The following PCDH15 variants were observed in gnomAD, a reference collection of about 807,000 sequenced individuals.
PCDH15 encodes protocadherin-15.
A neutral mutation model predicts 178.5 loss-of-function variants in PCDH15; 129 were observed. The observed-to-expected ratio is 0.72, with a 90% confidence interval of 0.63 to 0.84. PCDH15 has a LOEUF of 0.84. Among genes scored for constraint, PCDH15 ranks in the 40% least tolerant of loss-of-function variants. The pLI is 0.00. For synonymous variants in PCDH15, 800 were observed against 732.0 expected (o/e 1.09, Z -1.50); for missense variants, 2,230 against 2,099.9 (o/e 1.06, Z -1.21).
At chr10:53,953,023 C>T (rs1393861201) in intron 23 of PCDH15, among the ~76,000 whole-genome samples, 3 of 152,226 alleles carry the variant, frequency 2.0e-5, no homozygotes, top group Admixed American at 2.0e-4. Context: ...ATTGCACCTG[C>T]ACCTGAGAGC....
intron 2 of PCDH15, among the ~76,000 whole-genome samples, chr10:54,985,136 A>T (rs771464040): frequency 3.9e-4 from 60 of 152,156 alleles, no homozygotes; most frequent in Non-Finnish European, 7.2e-4. Context: ...CAAAATGGGC[A>T]ATTTTATATT....
chr10:53,917,600 A>G (rs1482443727), intron 25 of PCDH15, among the ~76,000 whole-genome samples: 1 of 152,212 alleles, frequency 6.6e-6, no homozygotes, highest in East Asian at 1.9e-4. Context: ...GCACCTAAAC[A>G]CAGACACACA....
intron 3 of PCDH15, among the ~76,000 whole-genome samples, chr10:54,485,413 T>C (rs1206496180): frequency 6.6e-6 from 1 of 151,952 alleles, no homozygotes; most frequent in Non-Finnish European, 1.5e-5. Flanking sequence ...CAAAGTTGGA[T>C]ACTAAGAAAA....
chr10:53,857,937 C>T (rs1156864809), intron 27 of PCDH15, among the ~76,000 whole-genome samples: 1 of 151,710 alleles, frequency 6.6e-6, no homozygotes, highest in Non-Finnish European at 1.5e-5. Flanking sequence ...TCATCTTTTC[C>T]TCAATATTCT....
chr10:54,184,556 G>A (rs2133811385), intron 12 of PCDH15, among the ~76,000 whole-genome samples: 1 of 151,784 alleles, frequency 6.6e-6, no homozygotes, highest in East Asian at 1.9e-4. Context: ...CCTAACCCAT[G>A]ATTTATCTAC....
At chr10:54,325,934 A>T (rs1230985099) in intron 7 of PCDH15, among the ~76,000 whole-genome samples, 2 of 152,110 alleles carry the variant, frequency 1.3e-5, no homozygotes, top group Non-Finnish European at 2.9e-5. Context: ...AAGCAAACAA[A>T]CAAACAAGAT....
At chr10:54,759,376 T>C (rs770646800) in intron 1 of PCDH15, among the ~76,000 whole-genome samples, 7 of 152,146 alleles carry the variant, frequency 4.6e-5, no homozygotes, top group Non-Finnish European at 8.8e-5. Flanking sequence ...ATGAACAATT[T>C]AATAGATTTA....
chr10:54,351,433 T>A (rs1365947415), intron 5 of PCDH15, among the ~76,000 whole-genome samples: 1 of 152,096 alleles, frequency 6.6e-6, no homozygotes, highest in Non-Finnish European at 1.5e-5. Context: ...GACCATAATT[T>A]TTTTCTTTTT....
At chr10:55,620,963 T>C (rs1346783894) in intron 2 of PCDH15, among the ~76,000 whole-genome samples, 1 of 151,782 alleles carries the variant, frequency 6.6e-6, no homozygotes, top group Non-Finnish European at 1.5e-5. Context: ...GAACATAACA[T>C]GTCATGCAAA....
At chr10:55,580,852 C>T (rs1218891258) in intron 2 of PCDH15, among the ~76,000 whole-genome samples, 2 of 152,184 alleles carry the variant, frequency 1.3e-5, no homozygotes, top group Non-Finnish European at 2.9e-5. Context: ...GTACTGGAAG[C>T]TGGTGGCTGA....
chr10:53,974,999 G>A (rs918310670), intron 21 of PCDH15, among the ~76,000 whole-genome samples: 1 of 152,082 alleles, frequency 6.6e-6, no homozygotes, highest in Non-Finnish European at 1.5e-5. Flanking sequence ...TGTACCCAAT[G>A]TTTAGCTCCC....
intron 1 of PCDH15, among the ~76,000 whole-genome samples, chr10:55,208,102 G>C (rs920114435): frequency 6.6e-5 from 10 of 151,954 alleles, no homozygotes; most frequent in African/African-American, 2.4e-4. Flanking sequence ...TTACTTTCTT[G>C]GCAGAGATGT....
At chr10:54,271,715 TACTC>T (rs2058058943) in intron 8 of PCDH15, among the ~76,000 whole-genome samples, 1 of 152,110 alleles carries the variant, frequency 6.6e-6, no homozygotes, top group African/African-American at 2.4e-5. Context: ...ATAATTCTTA[TACTC>T]ACTATTTGCC....
chr10:53,849,225 T>C (rs567337483), intron 28 of PCDH15, among the ~76,000 whole-genome samples: 3 of 152,146 alleles, frequency 2.0e-5, no homozygotes, highest in African/African-American at 7.2e-5. Context: ...TTTAATCTTT[T>C]TTTTTCTATG....
At chr10:54,170,197 T>C (rs2046736281) in intron 13 of PCDH15, among the ~76,000 whole-genome samples, 1 of 150,456 alleles carries the variant, frequency 6.6e-6, no homozygotes, top group Admixed American at 6.7e-5. Context: ...AGCATAATTC[T>C]CATAAAAACA....
At chr10:54,980,080 C>A (rs1410615844) in intron 2 of PCDH15, among the ~76,000 whole-genome samples, 1 of 152,098 alleles carries the variant, frequency 6.6e-6, no homozygotes, top group African/African-American at 2.4e-5. Context: ...GATTTAAAAC[C>A]TTAACCCATT....
chr10:54,212,584 T>A (rs921701879), intron 10 of PCDH15, among the ~76,000 whole-genome samples: 1 of 152,188 alleles, frequency 6.6e-6, no homozygotes, highest in African/African-American at 2.4e-5. Flanking sequence ...GTTTCCAGAT[T>A]AATTTAAATG....
At position 55,181,225 on chromosome 10, in the gene PCDH15, C is replaced by A. The variant is rs574722527; in HGVS notation, c.-155-14574G>T. ...ATTCTGTGATTTATAATTCTTTAGG[C>A]TTTGGGCTTTGGCCAGCATATTATA... On this transcript the variant is annotated intron_variant, in intron 1 of 5. Transcript: ENST00000458638. Among the ~76,000 whole-genome samples, 9 of 151,954 alleles carry A rather than the reference C, an allele frequency of 5.9e-5. No homozygotes were observed. The South Asian group carries it at 1.0e-3, about 17-fold the overall frequency.
At chr10:54,929,509 A>T (rs1300257231) in intron 2 of PCDH15, among the ~76,000 whole-genome samples, 1 of 152,136 alleles carries the variant, frequency 6.6e-6, no homozygotes, top group Non-Finnish European at 1.5e-5. Context: ...CACTTTGGAG[A>T]TCATTATGGT....
Sources: gnomAD v4.1 joint callset for allele counts (sites outside exome capture counted in the v4.1 genomes callset) on GRCh38, gnomAD v4.1.1 for gene constraint, MANE v1.5 for transcripts, NCBI Gene and HGNC (gene_info 2026-07-23, HGNC 2026-07-21) for gene names.